TTC39C: variants seen among roughly 807,000 people sequenced by gnomAD.
TTC39C encodes the protein tetratricopeptide repeat domain 39C, also known as tetratricopeptide repeat protein 39C.
In TTC39C, 33 loss-of-function variants were observed where a neutral mutation model predicts 76.3. The ratio of observed to expected loss-of-function variants is 0.43; its 90% CI spans 0.33 to 0.58. The LOEUF (loss-of-function observed/expected upper bound fraction) is 0.58, where lower values mean the gene tolerates loss of function less well. Among genes scored for constraint, TTC39C ranks in the 20% least tolerant of loss-of-function variants. The pLI is 0.04. For missense variants in TTC39C, 595 were observed against 701.4 expected (o/e 0.85, Z 1.71); for synonymous variants, 254 against 260.6 (o/e 0.97, Z 0.24).
intron 1 of TTC39C, among the ~76,000 whole-genome samples, chr18:24,062,130 G>A (rs968052324): frequency 3.3e-5 from 5 of 152,198 alleles, no homozygotes; most frequent in Non-Finnish European, 7.3e-5. Flanking sequence ...AAGATGGTAG[G>A]TGAAGTCGAA....
At chr18:24,089,408 G>C (rs375660111) in intron 6 of TTC39C, among the ~76,000 whole-genome samples, 1 of 152,106 alleles carries the variant, frequency 6.6e-6, no homozygotes, top group Admixed American at 6.5e-5. Flanking sequence ...TGCATCCTAC[G>C]TGGTTCTGTT....
At position 23,995,610 on chromosome 18, in the gene TTC39C, A is replaced by C. The variant is rs539797886; in HGVS notation, c.-17+2572A>C. The stretch of plus-strand genomic sequence containing the variant: ...TTTATTGCTGGTATAGATGTACTAC[A>C]CCTTGGGGCTATTACAAATAAAGCT... On this transcript the variant is annotated intron_variant, in intron 1 of 13. Transcript: ENST00000304621. Among the ~76,000 whole-genome samples, 31 of 152,186 alleles carry C rather than the reference A, an allele frequency of 2.0e-4. No individual in the cohort carries two copies. In the South Asian group the frequency reaches 6.0e-3, roughly 30 times the overall value.
chr18:24,123,961 G>T lies in TTC39C; in HGVS notation c.1296+18G>T. ...TGAAAAAGGTATGTTGGAGCCTATT[G>T]ATCTGGTGTATTACTTATGATGGGC... On this transcript the variant is annotated intron_variant, in intron 9 of 13. Transcript: ENST00000317571. The T allele has an allele frequency of 6.4e-7, 1 of 1,571,274 alleles. No individual in the cohort carries two copies. The highest frequency in any genetic ancestry group is 8.7e-7 in the Non-Finnish European group (1 of 1,151,238).
At chr18:24,055,821 TA>T (rs2084008450) in intron 1 of TTC39C, among the ~76,000 whole-genome samples, 1 of 152,206 alleles carries the variant, frequency 6.6e-6, no homozygotes, top group African/African-American at 2.4e-5. Context: ...TGCACTGTCA[TA>T]AAGCTTTTTT....
intron 6 of TTC39C, among the ~76,000 whole-genome samples, chr18:24,087,594 T>TTTTTTTTTTTG (rs1209443978): frequency 2.8e-5 from 4 of 141,578 alleles, no homozygotes; most frequent in Admixed American, 7.0e-5. Context: ...TTTTTTTTTG[T>TTTTTTTTTTTG]TTTTTTTTGA....
chr18:24,116,268 C>A (rs960043989), intron 7 of TTC39C, among the ~76,000 whole-genome samples: 1 of 152,222 alleles, frequency 6.6e-6, no homozygotes, highest in African/African-American at 2.4e-5. Context: ...CCAGGCCGGG[C>A]ACGGTGGCCC....
intron 1 of TTC39C, among the ~76,000 whole-genome samples, chr18:24,031,507 A>ACACACTAG (rs2145676604): frequency 6.6e-6 from 1 of 152,240 alleles, no homozygotes; most frequent in Admixed American, 6.5e-5. Flanking sequence ...ACCTGGTTGT[A>ACACACTAG]CACACTAGAA....
chr18:24,072,803 T>G (rs1386983073), intron 4 of TTC39C, among the ~76,000 whole-genome samples: 1 of 152,284 alleles, frequency 6.6e-6, no homozygotes, highest in Non-Finnish European at 1.5e-5. Context: ...CTTGTTTGAT[T>G]ATAAATTTCC....
rs771373965 is a variant in TTC39C at position 24,125,561 on chromosome 18, TAA to T, written c.1420+17_1420+18del. The T allele has an allele frequency of 6.8e-6, 11 of 1,613,668 alleles. No homozygotes were observed. The highest frequency in any genetic ancestry group is 9.3e-6 in the Non-Finnish European group (11 of 1,179,910). ...AGAGGATGAGTCAAGGTAAAAAATT[TAA>T]AAAAACCCAAAACTGTCTACTGGAC... On this transcript the variant is annotated intron_variant, in intron 10 of 13. Coordinates refer to ENST00000317571, the MANE Select transcript of TTC39C (RefSeq NM_001135993.2).
At position 24,105,490 on chromosome 18, in the gene TTC39C, GCA is replaced by G. The variant is rs373972712; in HGVS notation, c.985-9051_985-9050del. 5.3e-5 allele frequency among the ~76,000 whole-genome samples: 8 copies of G among 151,978 alleles called. No individual in the cohort carries two copies. In the East Asian group the frequency reaches 5.8e-4, roughly 11 times the overall value. ...GCATGCATATATGAAATACATATGT[GCA>G]CACACACACACATGCCTGCACATAC... On this transcript the variant is annotated intron_variant, in intron 6 of 13. Coordinates refer to ENST00000317571, the MANE Select transcript of TTC39C (RefSeq NM_001135993.2).
intron 1 of TTC39C, among the ~76,000 whole-genome samples, chr18:24,028,948 C>G (rs898988190): frequency 6.6e-6 from 1 of 152,126 alleles, no homozygotes; most frequent in Non-Finnish European, 1.5e-5. Flanking sequence ...GTCTCGAACT[C>G]CTGACCTCAG....
chr18:24,029,725 C>T (rs527337661), intron 1 of TTC39C, among the ~76,000 whole-genome samples: 89 of 152,208 alleles, frequency 5.8e-4, no homozygotes, highest in African/African-American at 2.1e-3. Context: ...CATAGCTTAG[C>T]TCCCCCACAT....
intron 4 of TTC39C, among the ~76,000 whole-genome samples, chr18:24,073,088 C>G (rs1192119966): frequency 6.6e-6 from 1 of 152,220 alleles, no homozygotes; most frequent in African/African-American, 2.4e-5. Context: ...GGCCCAGAAA[C>G]CCAGGTTCCT....
At chr18:24,016,146 G>T (rs1397334786) in intron 1 of TTC39C, among the ~76,000 whole-genome samples, 1 of 152,212 alleles carries the variant, frequency 6.6e-6, no homozygotes, top group Non-Finnish European at 1.5e-5. Flanking sequence ...TAATGGCGAA[G>T]CAAGTATCTC....
chr18:24,042,494 C>T (rs775968696), intron 1 of TTC39C, among the ~76,000 whole-genome samples: 71 of 152,280 alleles, frequency 4.7e-4, no homozygotes, highest in Admixed American at 3.3e-4. Context: ...TGGTAATGCT[C>T]GCTCGCCTGC....
At chr18:24,033,246 C>G (rs2083693826) in intron 1 of TTC39C, among the ~76,000 whole-genome samples, 1 of 152,196 alleles carries the variant, frequency 6.6e-6, no homozygotes, top group African/African-American at 2.4e-5. Flanking sequence ...GTGTGAGACT[C>G]TGTCTCAATA....
At chr18:24,015,163 G>T (rs2083438249) in intron 1 of TTC39C, 125 bp downstream of exon 1, 11 of 859,006 alleles carry the variant, frequency 1.3e-5, no homozygotes, top group African/African-American at 1.8e-5. Context: ...CGGTCCTCAG[G>T]TCTCCTCCCT....
At chr18:24,018,838 C>G (rs2083486431) in intron 1 of TTC39C, among the ~76,000 whole-genome samples, 1 of 152,158 alleles carries the variant, frequency 6.6e-6, no homozygotes, top group African/African-American at 2.4e-5. Context: ...TGCAGGCTCA[C>G]AAGTGTTGCT....
At chr18:24,020,441 A>G (rs1194564650) in intron 1 of TTC39C, 6 of 415,594 alleles carry the variant, frequency 1.4e-5, no homozygotes, top group African/African-American at 2.2e-5. Context: ...ACACAATGCG[A>G]AAGATGTGAG....
Sources: allele counts gnomAD v4.1 joint callset (sites outside exome capture counted in the v4.1 genomes callset), GRCh38; gene constraint gnomAD v4.1.1; transcripts MANE v1.5; gene names NCBI Gene and HGNC (gene_info 2026-07-23, HGNC 2026-07-21).